The following TEK variants were observed in gnomAD, a reference collection of about 807,000 sequenced individuals.
TEK encodes the protein TEK receptor tyrosine kinase.
Under a neutral mutation model 131.8 loss-of-function variants are expected in TEK, and 43 were observed. The ratio of observed to expected loss-of-function variants is 0.33; its 90% CI spans 0.26 to 0.42. The LOEUF is 0.42. TEK is among the 10% of genes least tolerant of loss of function. The pLI, the probability that TEK is intolerant of heterozygous loss-of-function variation, is 1.00. For missense variants in TEK, 1,162 were observed against 1,384.4 expected (o/e 0.84, Z 2.55); for synonymous variants, 580 against 491.6 (o/e 1.18, Z -2.38).
At chr9:27,224,777 A>T (rs1826242313) in intron 21 of TEK, among the ~76,000 whole-genome samples, 1 of 152,222 alleles carries the variant, frequency 6.6e-6, no homozygotes, top group South Asian at 2.1e-4. Context: ...CAAGAGAAAG[A>T]AAGAAAGGGC....
At position 27,197,452 on chromosome 9, in the gene TEK, C is replaced by G. The variant is rs1825070895; in HGVS notation, c.1762C>G (p.Gln588Glu). 1.9e-6 allele frequency: 3 copies of G among 1,614,054 alleles called. No individual in the cohort carries two copies. The South Asian group carries it at 3.3e-5, about 18-fold the overall frequency. The change falls in exon 12 of 23, where the codon CAG (glutamine) becomes GAG (glutamate). Residue 588 changes from glutamine to glutamate, a missense_variant. Physicochemically the swap from Gln to Glu is conservative, Grantham distance 29. This residue lies in a region of TEK where 477 missense variants were observed against 471.0 expected (regional missense o/e 1.01). Coordinates refer to ENST00000380036, the MANE Select transcript of TEK (RefSeq NM_000459.5). ...VERRSVQKSDQQNIKVPGNLT... is the reference protein window; with the variant it reads ...VERRSVQKSDEQNIKVPGNLT... ...GAGAAGGTCTGTGCAAAAAAGTGAT[C>G]AGCAGAATATTAAAGTTCCAGGCAA... is the stretch of plus-strand genomic sequence containing the variant.
rs367722764 is a variant in TEK at position 27,169,282 on chromosome 9, G to T, written c.476-195G>T. ...GTAGATCCCACAGACTAACCTATCTGTTCTATCACTATGACTTTCTTGACT... is the reference window on the plus strand; with the variant it reads ...GTAGATCCCACAGACTAACCTATCTTTTCTATCACTATGACTTTCTTGACT... On this transcript the variant is annotated intron_variant, in intron 3 of 22. Coordinates refer to ENST00000380036, the MANE Select transcript of TEK (RefSeq NM_000459.5). Among the ~76,000 whole-genome samples, 14 of 152,268 alleles carry T rather than the reference G, an allele frequency of 9.2e-5. No homozygotes were observed. In the South Asian group the frequency reaches 1.7e-3, roughly 18 times the overall value.
intron 21 of TEK, among the ~76,000 whole-genome samples, chr9:27,221,801 C>A (rs959416048): frequency 6.6e-6 from 1 of 152,160 alleles, no homozygotes; most frequent in African/African-American, 2.4e-5. Context: ...AGTGCAAAAC[C>A]GCTGAAAATT....
intron 6 of TEK, among the ~76,000 whole-genome samples, chr9:27,175,642 A>G (rs1228121666): frequency 6.6e-6 from 1 of 151,858 alleles, no homozygotes; most frequent in East Asian, 1.9e-4. Flanking sequence ...CATCCTCTCC[A>G]GCACCTGTTG....
intron 2 of TEK, among the ~76,000 whole-genome samples, chr9:27,159,576 C>T (rs558526516): frequency 2.0e-5 from 3 of 152,160 alleles, no homozygotes; most frequent in South Asian, 2.1e-4. Context: ...ATTTTGAAAG[C>T]CTCCTCTAAG....
chr9:27,194,981 CTATT>C (rs1253433184), intron 11 of TEK, among the ~76,000 whole-genome samples: 2 of 152,016 alleles, frequency 1.3e-5, no homozygotes, highest in East Asian at 3.9e-4. Context: ...GGGGAAATGA[CTATT>C]TATTGAGTTA....
rs754496384 is a variant in TEK at position 27,228,189 on chromosome 9, A to ACC, written c.3201-17_3201-16insCC. The ACC allele has an allele frequency of 4.4e-5, 71 of 1,604,318 alleles. No homozygotes were observed. Among genetic ancestry groups the ACC allele is most frequent in the Non-Finnish European group, 5.9e-5 (69 of 1,171,764 alleles). ...GCACAGTTATAGAATTAACCCTTTA[A>ACC]TTCTTTGCTTTCGAAGGTATGATCT... On this transcript the variant is annotated splice_polypyrimidine_tract_variant and intron_variant, in intron 21 of 22. Transcript: ENST00000380036.
chr9:27,205,081 C>T lies in TEK; in HGVS notation c.2364+16C>T, dbSNP rs1825355824. 3.7e-6 allele frequency: 6 copies of T among 1,613,800 alleles called. No homozygotes were observed. Among genetic ancestry groups the T allele is most frequent in the Non-Finnish European group, 4.2e-6 (5 of 1,179,780 alleles). ...CCAAAACGTGGTAGTGTCTCATCTT[C>T]CTACTAGCTAATAAGGGCAAGTCCA... On this transcript the variant is annotated intron_variant, in intron 14 of 22. Transcript: ENST00000380036.
chr9:27,192,414 G>A (rs909039088), intron 10 of TEK, 75 bp from the exon 11 acceptor site: 16 of 1,568,776 alleles, frequency 1.0e-5, no homozygotes, highest in African/African-American at 2.7e-5. Context: ...AGTTCACATC[G>A]CAATAACAAC....
chr9:27,218,887 G>A (rs1057422062), intron 20 of TEK, 70 bp downstream of exon 20: 1 of 1,427,248 alleles, frequency 7.0e-7, no homozygotes. Context: ...GCACTCCCTT[G>A]CTGCATAATT....
At chr9:27,138,075 G>C (rs541683222) in intron 1 of TEK, among the ~76,000 whole-genome samples, 4 of 152,106 alleles carry the variant, frequency 2.6e-5, no homozygotes, top group South Asian at 2.1e-4. Flanking sequence ...TGTTCCTTCC[G>C]GTGGGTTCGT....
At chr9:27,157,179 AAG>A (rs1275187791) in intron 1 of TEK, among the ~76,000 whole-genome samples, 13 of 152,162 alleles carry the variant, frequency 8.5e-5, no homozygotes, top group Non-Finnish European at 1.5e-4. Flanking sequence ...AAACAGAATA[AAG>A]AGAAATGAAA....
chr9:27,190,649 A>G lies in TEK; in HGVS notation c.1448A>G (p.Tyr483Cys). The change falls in exon 10 of 23, where the codon TAC becomes TGC. Residue 483 changes from tyrosine (Y) to cysteine (C), a missense_variant. Physicochemically the swap from Tyr to Cys is radical, Grantham distance 194. This residue lies in a region of TEK where 477 missense variants were observed against 471.0 expected (regional missense o/e 1.01). Transcript: ENST00000380036. Reference protein sequence around the residue: ...DGPIKSKKLLYKPVNHYEAWQ... With the variant: ...DGPIKSKKLLCKPVNHYEAWQ... ...CCAATCAAATCCAAGAAGCTTCTAT[A>G]CAAACCCGTTAATCACTATGAGGCT... The G allele has an allele frequency of 6.2e-7, 1 of 1,614,004 alleles. No individual in the cohort carries two copies. The highest frequency in any genetic ancestry group is 1.1e-5 in the South Asian group (1 of 91,080).
intron 1 of TEK, among the ~76,000 whole-genome samples, chr9:27,126,758 T>G (rs2019866954): frequency 6.6e-6 from 1 of 152,110 alleles, no homozygotes; most frequent in South Asian, 2.1e-4. Flanking sequence ...GCAGGAGGAA[T>G]TAAAATATGT....
Position 27,172,737 on chromosome 9 carries a change from G to C in TEK, c.750G>C (p.Thr250=), listed in dbSNP as rs76324455. The C allele has an allele frequency of 1.6e-5, 26 of 1,613,436 alleles. No homozygotes were observed. Among genetic ancestry groups the C allele is most frequent in the Non-Finnish European group, 2.2e-5 (26 of 1,179,598 alleles). ...CICPPGFMGR[T]CEKACELHTF... is the part of the protein sequence containing the mutation. The stretch of plus-strand genomic sequence containing the variant: ...GCCCTCCTGGGTTTATGGGAAGGAC[G>C]TGTGAGAAGGGTAAGTAAAGAGACT... Residue 250 remains threonine, a synonymous_variant, in exon 5 of 23, where the codon ACG becomes ACC. Coordinates refer to ENST00000380036, the MANE Select transcript of TEK (RefSeq NM_000459.5).
intron 21 of TEK, among the ~76,000 whole-genome samples, chr9:27,227,338 G>T (rs776323733): frequency 6.6e-6 from 1 of 152,274 alleles, no homozygotes; most frequent in South Asian, 2.1e-4. Context: ...ATGTTTTCAC[G>T]TGTTGTGCAA....
intron 1 of TEK, among the ~76,000 whole-genome samples, chr9:27,124,495 C>T (rs1821914484): frequency 1.3e-5 from 2 of 152,226 alleles, no homozygotes; most frequent in Admixed American, 6.5e-5. Flanking sequence ...TTCTTAAGGC[C>T]TTGGCTCAGA....
intron 2 of TEK, among the ~76,000 whole-genome samples, chr9:27,162,909 C>T (rs565537861): frequency 1.6e-4 from 24 of 152,150 alleles, no homozygotes; most frequent in African/African-American, 5.5e-4. Context: ...AGAGACAGGG[C>T]TTTACCATGT....
chr9:27,178,234 T>C (rs2131160091), intron 6 of TEK, among the ~76,000 whole-genome samples: 1 of 152,260 alleles, frequency 6.6e-6, no homozygotes, highest in East Asian at 1.9e-4. Flanking sequence ...TTCCCTGTTG[T>C]GTGTTCTTCA....
Sources: gnomAD v4.1 joint callset for allele counts (sites outside exome capture counted in the v4.1 genomes callset) on GRCh38, gnomAD v4.1.1 for gene constraint, gnomAD v4.1.1 regional missense constraint, MANE v1.5 for transcripts, NCBI Gene and HGNC (gene_info 2026-07-23, HGNC 2026-07-21) for gene names.